Variants in KDM3A observed in about 807,000 individuals in gnomAD.
KDM3A encodes lysine demethylase 3A, also known as lysine-specific demethylase 3A.
In KDM3A, 60 loss-of-function variants were observed where a neutral mutation model predicts 158.0. That is an observed-to-expected ratio of 0.38 (90% CI 0.31 to 0.47). The LOEUF (loss-of-function observed/expected upper bound fraction) is 0.47. Among genes scored for constraint, KDM3A ranks in the 20% least tolerant of loss-of-function variants. The pLI, the probability that KDM3A is intolerant of heterozygous loss-of-function variation, is 0.99. For synonymous variants in KDM3A, 608 were observed against 549.3 expected (o/e 1.11, Z -1.49); for missense variants, 1,319 against 1,574.3 (o/e 0.84, Z 2.74).
intron 3 of KDM3A, among the ~76,000 whole-genome samples, 191 bp from the exon 4 acceptor site, chr2:86,450,912 T>C (rs1160976139): frequency 6.6e-6 from 1 of 152,148 alleles, no homozygotes; most frequent in Non-Finnish European, 1.5e-5. Context: ...GTCTATCTGG[T>C]TTAAATTATT....
chr2:86,451,148 T>C lies in KDM3A; in HGVS notation c.388T>C (p.Ser130Pro), dbSNP rs1264189340. The C allele has an allele frequency of 3.1e-6, 5 of 1,612,446 alleles. No individual in the cohort carries two copies. In the African/African-American group the frequency reaches 6.7e-5, roughly 22 times the overall value. ...CAAAGCTGGTTTGGGATCCATAACT[T>C]CTGTTCGCTTTCTGGGAGATCAACA... ...LDKAGLGSIT[S>P]VRFLGDQQRV... Residue 130 changes from serine (S) to proline (P), a missense_variant, in exon 4 of 26, where the codon TCT (serine) becomes CCT (proline). Ser to Pro is a moderately conservative substitution (Grantham distance 74, BLOSUM62 -1). Around this residue, in one of 4 missense-constraint regions of KDM3A, gnomAD observed 652 missense variants for 627.2 expected, o/e 1.04. Transcript: ENST00000312912.
At chr2:86,465,985 C>T (rs1045302328) in intron 9 of KDM3A, among the ~76,000 whole-genome samples, 1 of 150,612 alleles carries the variant, frequency 6.6e-6, no homozygotes, top group African/African-American at 2.4e-5. Context: ...GGAATTGCCC[C>T]TACACAGACT....
At chr2:86,484,724 A>T (rs1248759418) in intron 19 of KDM3A, 3 of 479,970 alleles carry the variant, frequency 6.3e-6, no homozygotes, top group African/African-American at 3.9e-5. Context: ...CCTGGGTACA[A>T]ATGGATTTTT....
intron 7 of KDM3A, 47 bp downstream of exon 7, chr2:86,456,924 GTTC>G (rs773862588): frequency 4.5e-6 from 7 of 1,565,244 alleles, no homozygotes; most frequent in Admixed American, 1.7e-5. Flanking sequence ...CCTTTCCTCC[GTTC>G]TTCTCACATT....
Position 86,466,681 on chromosome 2 carries a change from C to T in KDM3A, c.1317C>T (p.His439=), listed in dbSNP as rs1355614886. Residue 439 remains histidine, a synonymous_variant, in exon 10 of 26, where the codon CAC becomes CAT. Transcript: ENST00000312912. ...CCAATCCTCCTGAACTGCAGAAGCA[C>T]CTAGAACATGCACCTTCCCCATCGG... ...EIANPPELQK[H]LEHAPSPSDV... is the part of the protein sequence containing the mutation. The T allele has an allele frequency of 1.2e-6, 2 of 1,613,894 alleles. No individual in the cohort carries two copies. Among genetic ancestry groups the T allele is most frequent in the Admixed American group, 1.7e-5 (1 of 59,978 alleles).
rs78921505 is a variant in KDM3A at position 86,480,824 on chromosome 2, G to A, written c.2512+462G>A. Among the ~76,000 whole-genome samples, 26 of 152,292 alleles carry A rather than the reference G, an allele frequency of 1.7e-4. 1 individual carries two copies. In the East Asian group the frequency reaches 4.6e-3, roughly 27 times the overall value. Reference sequence around the variant, plus strand: ...AAGCTGGCAAGAGCACAGCTGGTGAGTTTATACATACCTTAGAAAGAGGAA... The same window carrying A: ...AAGCTGGCAAGAGCACAGCTGGTGAATTTATACATACCTTAGAAAGAGGAA... On this transcript the variant is annotated intron_variant, in intron 16 of 25. Coordinates refer to ENST00000312912, the MANE Select transcript of KDM3A (RefSeq NM_018433.6).
chr2:86,477,094 G>A (rs1433908597), intron 12 of KDM3A, among the ~76,000 whole-genome samples: 2 of 152,216 alleles, frequency 1.3e-5, no homozygotes, highest in Non-Finnish European at 2.9e-5. Context: ...TAGGGGAAGG[G>A]TTCAATGGCC....
At chr2:86,475,109 A>G (rs1220061233) in intron 12 of KDM3A, 119 bp downstream of exon 12, 2 of 797,010 alleles carry the variant, frequency 2.5e-6, no homozygotes, top group East Asian at 2.5e-5. Flanking sequence ...TAACTTTGGT[A>G]TAATGAGGTT....
At chr2:86,459,775 T>TC (rs1241647002) in intron 8 of KDM3A, among the ~76,000 whole-genome samples, 13 of 152,228 alleles carry the variant, frequency 8.5e-5, no homozygotes, top group African/African-American at 3.1e-4. Flanking sequence ...ATTACTTTTT[T>TC]ATCTTTCTCA....
chr2:86,448,927 A>G (rs1048104354), intron 2 of KDM3A, among the ~76,000 whole-genome samples: 79 of 152,180 alleles, frequency 5.2e-4, no homozygotes, highest in Admixed American at 3.1e-3. Context: ...AGGTTAAGGA[A>G]GCTGGAGTGT....
Position 86,466,550 on chromosome 2 carries a change from A to G in KDM3A, c.1186A>G (p.Asn396Asp), listed in dbSNP as rs1379545601. The change falls in exon 10 of 26, where the codon AAC becomes GAC. Residue 396 changes from asparagine (N) to aspartate (D), a missense_variant. Around this residue, in one of 4 missense-constraint regions of KDM3A, gnomAD observed 652 missense variants for 627.2 expected, o/e 1.04. Coordinates refer to ENST00000312912, the MANE Select transcript of KDM3A (RefSeq NM_018433.6). The part of the protein sequence containing the change: ...PKGSCTQPKT[N>D]TDQENRLESV... Reference sequence around the variant, plus strand: ...AGGCAGCTGTACTCAGCCTAAGACAAACACTGATCAGGAAAACAGATTGGA... The same window carrying G: ...AGGCAGCTGTACTCAGCCTAAGACAGACACTGATCAGGAAAACAGATTGGA... 5.6e-6 allele frequency: 9 copies of G among 1,613,840 alleles called. No individual in the cohort carries two copies. Among genetic ancestry groups the G allele is most frequent in the Middle Eastern group, 1.6e-4 (1 of 6,080 alleles).
intron 5 of KDM3A, among the ~76,000 whole-genome samples, chr2:86,455,756 G>A (rs1351318718): frequency 6.6e-6 from 1 of 151,650 alleles, no homozygotes; most frequent in Non-Finnish European, 1.5e-5. Context: ...TTCAAGACCA[G>A]CTTGGGCAAC....
chr2:86,441,822 G>A (rs1222725067), intron 1 of KDM3A, among the ~76,000 whole-genome samples, 196 bp from the exon 2 acceptor site: 2 of 149,990 alleles, frequency 1.3e-5, no homozygotes, highest in South Asian at 2.1e-4. Context: ...CGAGGGTCAC[G>A]CGGCGCTGGG....
chr2:86,447,404 T>C (rs145889581), intron 2 of KDM3A, among the ~76,000 whole-genome samples: 45 of 152,002 alleles, frequency 3.0e-4, no homozygotes, highest in African/African-American at 1.1e-3. Context: ...AACTGTGATG[T>C]TGCTTAAGTT....
At chr2:86,439,389 T>A (rs1433897915), upstream of KDM3A, among the ~76,000 whole-genome samples, 4 of 152,232 alleles carry the variant, frequency 2.6e-5, no homozygotes, top group East Asian at 7.7e-4. Context: ...TTCCCATCTA[T>A]GTTCCTAAGT....
At chr2:86,490,046 G>GTT (rs1364754373) in intron 23 of KDM3A, 1 of 159,006 alleles carries the variant, frequency 6.3e-6, no homozygotes, top group African/African-American at 2.4e-5. Flanking sequence ...TTCTGAGTGA[G>GTT]TTGCTAAGTT....
rs765731866 is a variant in KDM3A, at chr2:86,464,221, G to A, written c.1007+5G>A. 1 of 1,549,414 alleles carries A rather than the reference G, an allele frequency of 6.5e-7. No individual in the cohort carries two copies. The highest frequency in any genetic ancestry group is 1.2e-5 in the South Asian group (1 of 81,022). On this transcript the variant is annotated splice_donor_5th_base_variant and intron_variant, in intron 9 of 25. Coordinates refer to ENST00000312912, the MANE Select transcript of KDM3A (RefSeq NM_018433.6). ...TGGAGCAAAAATTCCTCAAGGGTGA[G>A]TAGTGATTTGTTAAAGATGTTTAAT...
intron 8 of KDM3A, 121 bp downstream of exon 8, chr2:86,457,192 G>C (rs1029811806): frequency 5.9e-6 from 2 of 337,766 alleles, no homozygotes; most frequent in African/African-American, 4.3e-5. Flanking sequence ...ATCTCACTCT[G>C]TCACTCAGAC....
At chr2:86,481,477 G>A (rs904608826) in intron 16 of KDM3A, among the ~76,000 whole-genome samples, 2 of 151,158 alleles carry the variant, frequency 1.3e-5, no homozygotes, top group Non-Finnish European at 2.9e-5. Context: ...GGTCTTTGAG[G>A]TTTTTGTTTG....
Sources: gnomAD v4.1 joint callset for allele counts (sites outside exome capture counted in the v4.1 genomes callset) on GRCh38, gnomAD v4.1.1 for gene constraint, gnomAD v4.1.1 regional missense constraint, MANE v1.5 for transcripts, NCBI Gene and HGNC (gene_info 2026-07-23, HGNC 2026-07-21) for gene names.